Variants in TXN observed in about 807,000 individuals in gnomAD.
TXN encodes the protein thioredoxin.
Under a neutral mutation model 16.5 loss-of-function variants are expected in TXN, and 10 were observed. The ratio of observed to expected loss-of-function variants is 0.61; its 90% CI spans 0.37 to 1.03. The LOEUF (loss-of-function observed/expected upper bound fraction) is 1.03. Ranked by LOEUF, TXN falls within the 50% of genes least tolerant of loss-of-function variation. TXN has a pLI of 0.01. For synonymous variants in TXN, 35 were observed against 39.4 expected, an observed-to-expected ratio of 0.89 and a Z score of 0.42; for missense variants, 71 against 122.5, an observed-to-expected ratio of 0.58 and a Z score of 1.98.
Position 110,244,765 on chromosome 9 carries a change from C to A in TXN, c.255+13G>T. The A allele has an allele frequency of 1.9e-6, 3 of 1,608,070 alleles. No homozygotes were observed. In the South Asian group the frequency reaches 3.3e-5, roughly 18 times the overall value. ...ATTGCCCAGTTAGAGTTTTAAAGGT[C>A]AGATGTACGTACCTTTTGTCCCTTC... is the stretch of plus-strand genomic sequence containing the variant. On this transcript the variant is annotated intron_variant, in intron 4 of 4. Coordinates refer to ENST00000374517, the MANE Select transcript of TXN (RefSeq NM_003329.4).
intron 3 of TXN, among the ~76,000 whole-genome samples, chr9:110,250,422 G>C (rs968903590): frequency 5.3e-5 from 8 of 152,174 alleles, no homozygotes; most frequent in Non-Finnish European, 1.0e-4. Context: ...TGCAAATGCA[G>C]GTTCTCATGC....
intron 3 of TXN, 64 bp from the exon 4 acceptor site, chr9:110,244,907 G>C (rs1837627371): frequency 5.0e-6 from 7 of 1,391,620 alleles, no homozygotes; most frequent in South Asian, 2.4e-5. Flanking sequence ...AGCTTTGACA[G>C]AAGTAATCCA....
chr9:110,245,025 G>C, intron 3 of TXN, 182 bp from the exon 4 acceptor site: 1 of 427,624 alleles, frequency 2.3e-6, no homozygotes, highest in South Asian at 3.2e-5. Flanking sequence ...AAGCCAAACC[G>C]GTTATATTCT....
At chr9:110,244,750 T>G in intron 4 of TXN, 28 bp downstream of exon 4, 1 of 1,592,092 alleles carries the variant, frequency 6.3e-7, no homozygotes, top group Non-Finnish European at 8.6e-7. Flanking sequence ...ATTGCCCAGT[T>G]AGAGTTTTAA....
intron 3 of TXN, among the ~76,000 whole-genome samples, chr9:110,247,189 A>G (rs1368790868): frequency 1.3e-5 from 2 of 152,022 alleles, no homozygotes; most frequent in Non-Finnish European, 2.9e-5. Context: ...CTGGTGTGGT[A>G]GCGGCTGCCT....
At chr9:110,252,841 C>T (rs1318975433) in intron 1 of TXN, among the ~76,000 whole-genome samples, 1 of 152,090 alleles carries the variant, frequency 6.6e-6, no homozygotes, top group African/African-American at 2.4e-5. Flanking sequence ...GACAGAGTTT[C>T]GCCATGTTGA....
At chr9:110,244,248 G>A (rs1358599466) in intron 4 of TXN, 29 bp from the exon 5 acceptor site, 2 of 1,399,010 alleles carry the variant, frequency 1.4e-6, no homozygotes, top group Non-Finnish European at 1.9e-6. Flanking sequence ...ATTGACATTA[G>A]ACGTAGCACT....
At chr9:110,245,975 C>CAATT (rs1837654260) in intron 3 of TXN, among the ~76,000 whole-genome samples, 1 of 151,908 alleles carries the variant, frequency 6.6e-6, no homozygotes, top group Non-Finnish European at 1.5e-5. Context: ...TGAGACAGGA[C>CAATT]AATTGCTTGA....
chr9:110,247,268 A>T (rs1056540887), intron 3 of TXN, among the ~76,000 whole-genome samples: 8 of 150,978 alleles, frequency 5.3e-5, no homozygotes. Flanking sequence ...GGTTGCAGTG[A>T]GCAGAGATGG....
At position 110,244,859 on chromosome 9, in the gene TXN, G is replaced by A. The variant is rs1404720291; in HGVS notation, c.190-16C>T. 1 of 1,608,332 alleles carries A rather than the reference G, an allele frequency of 6.2e-7. No homozygotes were observed. The highest frequency in any genetic ancestry group is 8.5e-7 in the Non-Finnish European group (1 of 1,175,110). On this transcript the variant is annotated splice_polypyrimidine_tract_variant and intron_variant, in intron 3 of 4. Coordinates refer to ENST00000374517, the MANE Select transcript of TXN (RefSeq NM_003329.4). The stretch of plus-strand genomic sequence containing the variant: ...AAGCAACATCCTGGTAGGGAAAGTA[G>A]CAAAGGGAGAGGATTAAATACAAGA...
At chr9:110,251,014 CATAGATCTAAG>C in intron 2 of TXN, 135 bp from the exon 3 acceptor site, 1 of 676,268 alleles carries the variant, frequency 1.5e-6, no homozygotes, top group South Asian at 2.0e-5. Flanking sequence ...TCTTTGGAGA[CATAGATCTAAG>C]AGACATAAAT....
chr9:110,244,069 TTA>T lies in TXN; in HGVS notation c.*86_*87del. On this transcript the variant is annotated 3_prime_UTR_variant, in exon 5 of 5. Transcript: ENST00000374517. ...ATTGTCACGCAGATGGCAACTGGGTTTATGTCTTCATATTTTATATTTTTGTA... is the reference window on the plus strand; with the variant it reads ...ATTGTCACGCAGATGGCAACTGGGTTTGTCTTCATATTTTATATTTTTGTA... 4.2e-6 allele frequency: 3 copies of T among 709,782 alleles called. No homozygotes were observed. Among genetic ancestry groups the T allele is most frequent in the Non-Finnish European group, 6.2e-6 (3 of 485,588 alleles). 44.0% of individuals were successfully genotyped at this position (709,782 alleles called of 1,614,324 possible).
chr9:110,246,342 G>T (rs904074637), intron 3 of TXN, among the ~76,000 whole-genome samples: 1 of 152,136 alleles, frequency 6.6e-6, no homozygotes, highest in Non-Finnish European at 1.5e-5. Context: ...AAAGGTAATT[G>T]AAGTAACACA....
chr9:110,245,673 T>TTTA (rs1278909501), intron 3 of TXN, among the ~76,000 whole-genome samples: 2 of 127,378 alleles, frequency 1.6e-5, no homozygotes, highest in African/African-American at 5.8e-5. Context: ...TTTTTTTTTT[T>TTTA]ATAGGGACAA....
chr9:110,250,972 GT>G, intron 2 of TXN, 93 bp from the exon 3 acceptor site: 1 of 903,376 alleles, frequency 1.1e-6, no homozygotes, highest in Non-Finnish European at 1.7e-6. Context: ...CTTAATAAAA[GT>G]AGAGACTAAT....
chr9:110,245,593 G>A (rs184414120), intron 3 of TXN, among the ~76,000 whole-genome samples: 11,324 of 67,558 alleles, frequency 0.17, 1,552 homozygotes, highest in East Asian at 0.32. Flanking sequence ...GTGTGTGTGT[G>A]TATATATATA....
intron 3 of TXN, among the ~76,000 whole-genome samples, chr9:110,246,664 C>G (rs374589736): frequency 6.6e-6 from 1 of 152,138 alleles, no homozygotes; most frequent in Non-Finnish European, 1.5e-5. Context: ...AACACTATGA[C>G]GACCTCTAGG....
intron 3 of TXN, among the ~76,000 whole-genome samples, chr9:110,248,819 T>C (rs1375139312): frequency 1.3e-5 from 2 of 152,110 alleles, no homozygotes; most frequent in Non-Finnish European, 2.9e-5. Context: ...GCACCTATTA[T>C]TGCTTTCAAA....
At chr9:110,247,712 A>G (rs1309444571) in intron 3 of TXN, among the ~76,000 whole-genome samples, 1 of 152,240 alleles carries the variant, frequency 6.6e-6, no homozygotes, top group Non-Finnish European at 1.5e-5. Flanking sequence ...AGTATATACT[A>G]CTTGATAATA....
Sources: gnomAD v4.1 joint callset for allele counts (sites outside exome capture counted in the v4.1 genomes callset) on GRCh38, gnomAD v4.1.1 for gene constraint, MANE v1.5 for transcripts, NCBI Gene and HGNC (gene_info 2026-07-23, HGNC 2026-07-21) for gene names.